ALPG: variants seen among roughly 807,000 people sequenced by gnomAD.
The protein encoded by ALPG is alkaline phosphatase, germ cell, also known as alkaline phosphatase, germ cell type.
A neutral mutation model predicts 48.6 loss-of-function variants in ALPG; 32 were observed. The observed-to-expected ratio is 0.66, with a 90% CI of 0.50 to 0.88. The LOEUF (loss-of-function observed/expected upper bound fraction) is 0.88, where lower values mean the gene tolerates loss of function less well. Ranked by LOEUF, ALPG falls within the 40% of genes least tolerant of loss-of-function variation. The probability of loss-of-function intolerance (pLI) is 0.00; values close to 1 mark genes in which losing one functional copy is unlikely to be tolerated. For missense variants in ALPG, 533 were observed against 718.1 expected (o/e 0.74, Z 2.95); for synonymous variants, 244 against 308.9 (o/e 0.79, Z 2.20).
rs752439884 is a variant in ALPG at position 232,406,946 on chromosome 2, C to T, written c.52C>T (p.Leu18=). The change falls in exon 1 of 11, where the codon CTG becomes TTG. Residue 18 remains leucine (L), a synonymous_variant. Transcript: ENST00000295453. ...LLLGLRLQLS[L]GIIPVEEENP... is the part of the protein sequence containing the mutation. ...GCTGGGCCTGAGGCTACAGCTCTCC[C>T]TGGGCATCATCCCAGGTAATGAGGC... 5 of 1,613,144 alleles carry T rather than the reference C, an allele frequency of 3.1e-6. No homozygotes were observed. Among genetic ancestry groups the T allele is most frequent in the Admixed American group, 3.3e-5 (2 of 59,956 alleles).
At position 232,409,685 on chromosome 2, in the gene ALPG, T is replaced by C; in HGVS notation, c.1412T>C (p.Val471Ala). The C allele has an allele frequency of 2.5e-6, 4 of 1,611,578 alleles. No homozygotes were observed. The South Asian group carries it at 4.4e-5, about 18-fold the overall frequency. ...RGPQAHLVHG[V>A]QEQTFIAHVM... ...CCGCAGGCGCACCTGGTTCACGGCG[T>C]GCAGGAGCAGACCTTCATAGCGCAC... Residue 471 changes from valine to alanine, a missense_variant, in exon 11 of 11, where the codon GTG (valine) becomes GCG (alanine). Physicochemically the swap from Val to Ala is moderately conservative, Grantham distance 64. Around this residue, in one of 6 missense-constraint regions of ALPG, gnomAD observed 145 missense variants for 174.3 expected, o/e 0.83. Transcript: ENST00000295453.
chr2:232,410,070 G>C lies in ALPG; in HGVS notation c.*198G>C. On this transcript the variant is annotated 3_prime_UTR_variant, in exon 11 of 11. Coordinates refer to ENST00000295453, the MANE Select transcript of ALPG (RefSeq NM_031313.3). Reference sequence around the variant, plus strand: ...ACGCCCTTTGCTTTATCTTGCTCTTGAAATTTTGGCCCCAACTCCAGGGAC... The same window carrying C: ...ACGCCCTTTGCTTTATCTTGCTCTTCAAATTTTGGCCCCAACTCCAGGGAC... 1.1e-6 allele frequency: 1 copy of C among 907,696 alleles called. No homozygotes were observed. The highest frequency in any genetic ancestry group is 1.6e-6 in the Non-Finnish European group (1 of 623,582). 56.2% of individuals were successfully genotyped at this position (907,696 alleles called of 1,614,324 possible).
Position 232,409,975 on chromosome 2 carries a change from TCG to T in ALPG, c.*105_*106del. On this transcript the variant is annotated 3_prime_UTR_variant, in exon 11 of 11. Coordinates refer to ENST00000295453, the MANE Select transcript of ALPG (RefSeq NM_031313.3). ...CCACCTGGAGCTGTCACCCCCGGAGTCGCCACACAGACGTCCTGCCATGGAAC... is the reference window on the plus strand; with the variant it reads ...CCACCTGGAGCTGTCACCCCCGGAGTCCACACAGACGTCCTGCCATGGAAC... 6.9e-7 allele frequency: 1 copy of T among 1,438,928 alleles called. No individual in the cohort carries two copies. The highest frequency in any genetic ancestry group is 9.1e-7 in the Non-Finnish European group (1 of 1,097,610). 89.1% of individuals were successfully genotyped at this position (1,438,928 alleles called of 1,614,324 possible).
At position 232,406,915 on chromosome 2, in the gene ALPG, G is replaced by C. The variant is rs1029605720; in HGVS notation, c.21G>C (p.Leu7=). ...CAGACATGCAGGGGCCCTGGGTGCT[G>C]CTCCTGCTGGGCCTGAGGCTACAGC... MQGPWV[L]LLLGLRLQLS... The change falls in exon 1 of 11, where the codon CTG becomes CTC. Residue 7 remains leucine (L), a synonymous_variant. Coordinates refer to ENST00000295453, the MANE Select transcript of ALPG (RefSeq NM_031313.3). The C allele has an allele frequency of 6.2e-7, 1 of 1,612,620 alleles. No individual in the cohort carries two copies. Among genetic ancestry groups the C allele is most frequent in the African/African-American group, 1.3e-5 (1 of 74,838 alleles).
intron 10 of ALPG, 52 bp downstream of exon 10, chr2:232,409,500 G>T: frequency 6.2e-7 from 1 of 1,607,644 alleles, no homozygotes; most frequent in South Asian, 1.1e-5. Context: ...CAAGGATGGG[G>T]GGCTGGCGGG....
rs1697096875 is a variant in ALPG, at chr2:232,407,120, AG to A, written c.132del (p.Lys44AsnfsTer25). The A allele has an allele frequency of 6.2e-7, 1 of 1,613,828 alleles. No homozygotes were observed. The highest frequency in any genetic ancestry group is 1.3e-5 in the African/African-American group (1 of 74,898). On this transcript the variant is annotated frameshift_variant, in exon 2 of 11. Transcript: ENST00000295453. LOFTEE classifies it high-confidence loss of function. ...GCCGAGGCCCTGGGTGCCGCCAAGA[AG>A]CTGCAGCCTGCACAGACAGCCGCCA... ...QAAEALGAAK[K>X]LQPAQTAAKN...
In ALPG at chr2:232,409,900, C is replaced by T. The variant is rs1208140956; in HGVS notation, c.*28C>T. ...GTCCCGTCCCTGGGGCTCCTGCTTC[C>T]CCATCCCGGAGTTCCCCTGCTCCCC... is the stretch of plus-strand genomic sequence containing the variant. On this transcript the variant is annotated 3_prime_UTR_variant, in exon 11 of 11. Coordinates refer to ENST00000295453, the MANE Select transcript of ALPG (RefSeq NM_031313.3). 1 of 1,519,796 alleles carries T rather than the reference C, an allele frequency of 6.6e-7. No individual in the cohort carries two copies. Among genetic ancestry groups the T allele is most frequent in the Non-Finnish European group, 8.8e-7 (1 of 1,139,676 alleles). 94.1% of individuals were successfully genotyped at this position (1,519,796 alleles called of 1,614,324 possible).
In ALPG at chr2:232,409,615, G is replaced by A. The variant is rs1697152684; in HGVS notation, c.1342G>A (p.Gly448Arg). 2 of 1,612,786 alleles carry A rather than the reference G, an allele frequency of 1.2e-6. No homozygotes were observed. Among genetic ancestry groups the A allele is most frequent in the South Asian group, 1.1e-5 (1 of 90,972 alleles). Residue 448 changes from glycine (G) to arginine (R), a missense_variant, in exon 11 of 11, where the codon GGA (glycine) becomes AGA (arginine). This residue lies in a region of ALPG where 145 missense variants were observed against 174.3 expected (regional missense o/e 0.83). Coordinates refer to ENST00000295453, the MANE Select transcript of ALPG (RefSeq NM_031313.3). The stretch of plus-strand genomic sequence containing the variant: ...GCAGCAGTCAGCAGTGCCCCTGGAC[G>A]GAGAGACCCACGCAGGCGAGGACGT... ...YRQQSAVPLD[G>R]ETHAGEDVAV...
At chr2:232,409,539 T>G (rs1242277038) in intron 10 of ALPG, 35 bp from the exon 11 acceptor site, 4 of 1,611,928 alleles carry the variant, frequency 2.5e-6, no homozygotes, top group Non-Finnish European at 3.4e-6. Flanking sequence ...TGCCTGGAAC[T>G]GAAACTTCCT....
chr2:232,408,245 C>A (rs771001719), intron 5 of ALPG, 22 bp from the exon 6 acceptor site: 22 of 1,612,914 alleles, frequency 1.4e-5, no homozygotes, highest in Admixed American at 1.7e-5. Flanking sequence ...CCAAATCCAC[C>A]TGCCCCATCC....
chr2:232,407,219 C>T (rs200636464), intron 2 of ALPG, 46 bp downstream of exon 2: 42 of 1,613,772 alleles, frequency 2.6e-5, no homozygotes, highest in Middle Eastern at 3.3e-4. Flanking sequence ...ACAGCCCCGG[C>T]GCCCGGACCC....
rs2106390648 is a variant in ALPG, at chr2:232,407,868, A to G, written c.499A>G (p.Thr167Ala). The G allele has an allele frequency of 6.2e-7, 1 of 1,613,486 alleles. No homozygotes were observed. The highest frequency in any genetic ancestry group is 8.5e-7 in the Non-Finnish European group (1 of 1,180,008). Reference sequence around the variant, plus strand: ...AGGAAAGTCAGTGGGAGTGGTAACCACCACACGGGTGCAGCATGCCTCGCC... The same window carrying G: ...AGGAAAGTCAGTGGGAGTGGTAACCGCCACACGGGTGCAGCATGCCTCGCC... ...KAGKSVGVVT[T>A]TRVQHASPAG... Residue 167 changes from threonine to alanine, a missense_variant, in exon 5 of 11, where the codon ACC becomes GCC. Physicochemically the swap from Thr to Ala is moderately conservative, Grantham distance 58. Transcript: ENST00000295453.
rs760056709 is a variant in ALPG, at chr2:232,409,706, C to A, written c.1433C>A (p.Ala478Glu). Residue 478 changes from alanine (A) to glutamate (E), a missense_variant, in exon 11 of 11, where the codon GCG (alanine) becomes GAG (glutamate). Ala to Glu is a moderately radical substitution (Grantham distance 107). Around this residue, in one of 6 missense-constraint regions of ALPG, gnomAD observed 145 missense variants for 174.3 expected, o/e 0.83. Coordinates refer to ENST00000295453, the MANE Select transcript of ALPG (RefSeq NM_031313.3). ...VHGVQEQTFI[A>E]HVMAFAACLE... is the part of the protein sequence containing the mutation. ...GGCGTGCAGGAGCAGACCTTCATAG[C>A]GCACGTCATGGCCTTCGCCGCCTGC... 2.5e-6 allele frequency: 4 copies of A among 1,611,294 alleles called. No individual in the cohort carries two copies. The Admixed American group carries it at 5.0e-5, about 20-fold the overall frequency.
rs1176434727 is a variant in ALPG, at chr2:232,408,016, A to T, written c.647A>T (p.Asp216Val). Residue 216 changes from aspartate (D) to valine (V), a missense_variant and splice_region_variant, in exon 5 of 11, where the codon GAT (aspartate) becomes GTT (valine). Transcript: ENST00000295453. ...CAGCTCATCTCCAACATGGACATTG[A>T]TGTGCGACCCCCGGGCCAAGGGCTG... Reference protein sequence around the residue: ...ATQLISNMDIDVILGGGRKYM... With the variant: ...ATQLISNMDIVVILGGGRKYM... The T allele has an allele frequency of 3.7e-6, 6 of 1,609,104 alleles. No individual in the cohort carries two copies. The Admixed American group carries it at 1.0e-4, about 27-fold the overall frequency.
chr2:232,409,611 G>C lies in ALPG; in HGVS notation c.1338G>C (p.Leu446=). The C allele has an allele frequency of 6.2e-7, 1 of 1,612,836 alleles. No homozygotes were observed. The highest frequency in any genetic ancestry group is 8.5e-7 in the Non-Finnish European group (1 of 1,179,788). The change falls in exon 11 of 11, where the codon CTG becomes CTC. Residue 446 remains leucine (L), a synonymous_variant. Coordinates refer to ENST00000295453, the MANE Select transcript of ALPG (RefSeq NM_031313.3). ...PEYRQQSAVP[L]DGETHAGEDV... ...ATCGGCAGCAGTCAGCAGTGCCCCTGGACGGAGAGACCCACGCAGGCGAGG... is the reference window on the plus strand; with the variant it reads ...ATCGGCAGCAGTCAGCAGTGCCCCTCGACGGAGAGACCCACGCAGGCGAGG...
Position 232,407,853 on chromosome 2 carries a change from G to T in ALPG, c.484G>T (p.Val162Leu). 1 of 1,613,586 alleles carries T rather than the reference G, an allele frequency of 6.2e-7. No individual in the cohort carries two copies. The highest frequency in any genetic ancestry group is 1.1e-5 in the South Asian group (1 of 90,998). The change falls in exon 5 of 11, where the codon GTG becomes TTG. Residue 162 changes from valine (V) to leucine (L), a missense_variant. This residue lies in a region of ALPG where 315 missense variants were observed against 305.8 expected (regional missense o/e 1.03). Coordinates refer to ENST00000295453, the MANE Select transcript of ALPG (RefSeq NM_031313.3). ...ACCTCTATCACCCTCAGGAAAGTCA[G>T]TGGGAGTGGTAACCACCACACGGGT... ...MNRAKKAGKS[V>L]GVVTTTRVQH...
rs1430704872 is a variant in ALPG, at chr2:232,409,681, G to A, written c.1408G>A (p.Gly470Ser). The change falls in exon 11 of 11, where the codon GGC (glycine) becomes AGC (serine). Residue 470 changes from glycine to serine, a missense_variant. Physicochemically the swap from Gly to Ser is moderately conservative, Grantham distance 56. Around this residue, in one of 6 missense-constraint regions of ALPG, gnomAD observed 145 missense variants for 174.3 expected, o/e 0.83. Transcript: ENST00000295453. ...ARGPQAHLVH[G>S]VQEQTFIAHV... ...CGGCCCGCAGGCGCACCTGGTTCAC[G>A]GCGTGCAGGAGCAGACCTTCATAGC... 10 of 1,611,332 alleles carry A rather than the reference G, an allele frequency of 6.2e-6. No homozygotes were observed. Among genetic ancestry groups the A allele is most frequent in the South Asian group, 1.1e-5 (1 of 90,838 alleles).
chr2:232,410,206 A>T lies in ALPG; in HGVS notation c.*334A>T. The T allele has an allele frequency of 2.4e-6, 1 of 419,884 alleles. No homozygotes were observed. The highest frequency in any genetic ancestry group is 4.3e-6 in the Non-Finnish European group (1 of 235,006). 26.0% of individuals were successfully genotyped at this position (419,884 alleles called of 1,614,324 possible). On this transcript the variant is annotated 3_prime_UTR_variant, in exon 11 of 11. Coordinates refer to ENST00000295453, the MANE Select transcript of ALPG (RefSeq NM_031313.3). ...TCAGGCAGGCTCTCTCCCCGGGGAC[A>T]TGAGGCACCCATACCTAGGACCCCC...
chr2:232,408,182 G>A (rs1697125113), intron 5 of ALPG, 85 bp from the exon 6 acceptor site: 1 of 1,591,510 alleles, frequency 6.3e-7, no homozygotes, highest in Admixed American at 1.7e-5. Flanking sequence ...ACAGCCTTGG[G>A]GAGGGGAGTC....
Sources: gnomAD v4.1 joint callset for allele counts on GRCh38, gnomAD v4.1.1 for gene constraint, gnomAD v4.1.1 regional missense constraint, MANE v1.5 for transcripts, NCBI Gene and HGNC (gene_info 2026-07-23, HGNC 2026-07-21) for gene names.